Variants in ERBB4 observed in about 807,000 individuals in gnomAD.
ERBB4 encodes the protein receptor tyrosine-protein kinase erbB-4.
ERBB4 carries 42 observed loss-of-function variants against 158.0 expected under a neutral mutation model. The observed-to-expected ratio is 0.27, with a 90% CI of 0.21 to 0.34. The LOEUF is 0.34. Ranked by LOEUF, ERBB4 falls within the 10% of genes least tolerant of loss-of-function variation. ERBB4 has a pLI of 1.00. For missense variants in ERBB4, 1,333 were observed against 1,624.1 expected (o/e 0.82, Z 3.08); for synonymous variants, 583 against 558.7 (o/e 1.04, Z -0.61).
intron 13 of ERBB4, among the ~76,000 whole-genome samples, chr2:211,673,690 T>G (rs13019783): frequency 0.096 from 14,600 of 151,984 alleles, 745 homozygotes; most frequent in Admixed American, 0.15. Flanking sequence ...CTAAGTTACA[T>G]GAATGTTCCC....
At chr2:212,104,532 A>C (rs1211949540) in intron 2 of ERBB4, among the ~76,000 whole-genome samples, 2 of 152,164 alleles carry the variant, frequency 1.3e-5, no homozygotes, top group Admixed American at 6.5e-5. Flanking sequence ...AGAACTGTAA[A>C]TACATTGGGT....
intron 20 of ERBB4, among the ~76,000 whole-genome samples, chr2:211,458,231 C>A (rs973474795): frequency 6.6e-6 from 1 of 151,124 alleles, no homozygotes; most frequent in African/African-American, 2.4e-5. Context: ...GCCTACTGTA[C>A]AATGAGCCTT....
At chr2:211,444,322 A>T (rs1183970507) in intron 20 of ERBB4, among the ~76,000 whole-genome samples, 1 of 152,044 alleles carries the variant, frequency 6.6e-6, no homozygotes, top group Non-Finnish European at 1.5e-5. Context: ...ATGACTATGT[A>T]TTCATTAGAA....
At chr2:212,159,260 T>G (rs981264088) in intron 1 of ERBB4, among the ~76,000 whole-genome samples, 2 of 96,612 alleles carry the variant, frequency 2.1e-5, no homozygotes, top group Admixed American at 9.8e-5. Flanking sequence ...TGGTGTGTGT[T>G]TTTGTTTTTT....
At chr2:211,952,575 A>C (rs1331313243) in intron 2 of ERBB4, among the ~76,000 whole-genome samples, 1 of 152,090 alleles carries the variant, frequency 6.6e-6, no homozygotes, top group African/African-American at 2.4e-5. Context: ...ATATGGACTT[A>C]TCTATGGGAA....
At chr2:211,658,370 T>C (rs1371907539) in intron 15 of ERBB4, among the ~76,000 whole-genome samples, 3 of 149,796 alleles carry the variant, frequency 2.0e-5, no homozygotes, top group Non-Finnish European at 4.5e-5. Context: ...TTAAAGGCCT[T>C]AAGTTTAAAT....
chr2:211,867,023 C>CAAAA (rs1559592690), intron 3 of ERBB4, among the ~76,000 whole-genome samples: 17 of 19,444 alleles, frequency 8.7e-4, no homozygotes, highest in East Asian at 2.7e-3. Flanking sequence ...TTCCTTAAAA[C>CAAAA]CAAAAAAAAA....
chr2:211,752,661 A>T (rs1480813786), intron 4 of ERBB4, among the ~76,000 whole-genome samples: 1 of 152,100 alleles, frequency 6.6e-6, no homozygotes, highest in Non-Finnish European at 1.5e-5. Flanking sequence ...TTAATTTTTT[A>T]ACTTCTTATT....
At chr2:211,561,127 T>C (rs116602293) in intron 20 of ERBB4, among the ~76,000 whole-genome samples, 5,396 of 152,276 alleles carry the variant, frequency 0.035, 321 homozygotes, top group African/African-American at 0.12. Context: ...GTTTTGAACA[T>C]TTAGAATGTA....
At chr2:211,816,540 CAAA>C (rs34323414) in intron 3 of ERBB4, among the ~76,000 whole-genome samples, 29 of 65,890 alleles carry the variant, frequency 4.4e-4, no homozygotes, top group African/African-American at 1.4e-3. Flanking sequence ...GAGCCCGTCT[CAAA>C]AAAAAAAAAA....
At chr2:212,193,327 G>A (rs1002784945) in intron 1 of ERBB4, among the ~76,000 whole-genome samples, 2 of 152,112 alleles carry the variant, frequency 1.3e-5, no homozygotes, top group African/African-American at 2.4e-5. Context: ...CTCAAGTGAT[G>A]CCATCTGCTT....
intron 1 of ERBB4, among the ~76,000 whole-genome samples, chr2:212,215,312 AAC>A (rs2083064173): frequency 6.6e-6 from 1 of 151,570 alleles, no homozygotes; most frequent in Non-Finnish European, 1.5e-5. Context: ...ATTCATGGAA[AAC>A]AGTCACTATA....
At chr2:211,858,854 C>G (rs12615786) in intron 3 of ERBB4, among the ~76,000 whole-genome samples, 31,646 of 151,974 alleles carry the variant, frequency 0.21, 3,428 homozygotes, top group South Asian at 0.32. Flanking sequence ...GCGATCTCCG[C>G]TCACTGCAAC....
chr2:211,717,874 C>T (rs941751987), intron 7 of ERBB4, among the ~76,000 whole-genome samples: 2 of 152,024 alleles, frequency 1.3e-5, no homozygotes, highest in Non-Finnish European at 2.9e-5. Context: ...CCTATCTCTT[C>T]GATTGTTATA....
At chr2:211,987,631 A>G (rs1378438261) in intron 2 of ERBB4, among the ~76,000 whole-genome samples, 1 of 152,056 alleles carries the variant, frequency 6.6e-6, no homozygotes, top group Non-Finnish European at 1.5e-5. Context: ...AATTTTTTAC[A>G]TTTTTCCTAC....
At chr2:212,287,187 C>T (rs987923119) in intron 1 of ERBB4, among the ~76,000 whole-genome samples, 1 of 151,948 alleles carries the variant, frequency 6.6e-6, no homozygotes, top group African/African-American at 2.4e-5. Flanking sequence ...CATATTGCAC[C>T]CTTGCAATGA....
At chr2:211,833,437 C>T (rs2077268871) in intron 3 of ERBB4, among the ~76,000 whole-genome samples, 1 of 152,006 alleles carries the variant, frequency 6.6e-6, no homozygotes, top group Non-Finnish European at 1.5e-5. Context: ...CAGCAGAGTT[C>T]ACTTTGTAAA....
At chr2:211,399,447 A>G (rs1010959106) in intron 25 of ERBB4, among the ~76,000 whole-genome samples, 1 of 152,214 alleles carries the variant, frequency 6.6e-6, no homozygotes, top group Non-Finnish European at 1.5e-5. Context: ...TAAGTTTTAA[A>G]AGATGTGGAA....
chr2:211,398,816 G>A (rs915019212), intron 25 of ERBB4, among the ~76,000 whole-genome samples: 2 of 152,190 alleles, frequency 1.3e-5, no homozygotes, highest in Non-Finnish European at 2.9e-5. Flanking sequence ...GGGCGACAGA[G>A]TAAGACTCTG....
Sources: allele counts gnomAD v4.1 joint callset (sites outside exome capture counted in the v4.1 genomes callset), GRCh38; gene constraint gnomAD v4.1.1; transcripts MANE v1.5; gene names NCBI Gene and HGNC (gene_info 2026-07-23, HGNC 2026-07-21).